Variants in RFTN1 observed in about 807,000 individuals in gnomAD.
The protein encoded by RFTN1 is raftlin.
In RFTN1, 26 loss-of-function variants were observed where a neutral mutation model predicts 46.5. The observed-to-expected ratio is 0.56, with a 90% CI of 0.41 to 0.78. The LOEUF (loss-of-function observed/expected upper bound fraction) is 0.78, where lower values mean the gene tolerates loss of function less well. Ranked by LOEUF, RFTN1 falls within the 30% of genes least tolerant of loss-of-function variation. RFTN1 has a pLI of 0.00. For synonymous variants in RFTN1, 261 were observed against 284.2 expected (o/e 0.92, Z 0.82); for missense variants, 693 against 718.7 (o/e 0.96, Z 0.41).
At chr3:16,357,738 C>T (rs1355992920) in intron 7 of RFTN1, among the ~76,000 whole-genome samples, 194 bp downstream of exon 7, 3 of 152,060 alleles carry the variant, frequency 2.0e-5, no homozygotes, top group African/African-American at 7.2e-5. Flanking sequence ...AAGGGAAGAG[C>T]GGGGCCCACC....
chr3:16,415,430 T>TATATATATATACACAC, intron 3 of RFTN1, among the ~76,000 whole-genome samples: 1 of 114,276 alleles, frequency 8.8e-6, no homozygotes, highest in African/African-American at 2.7e-5. Flanking sequence ...TATATATATA[T>TATATATATATACACAC]ACACACACAC....
At position 16,460,684 on chromosome 3, in the gene RFTN1, A is replaced by G. The variant is rs1179422052; in HGVS notation, c.146-26647T>C. 6.6e-6 allele frequency among the ~76,000 whole-genome samples: 1 copy of G among 152,166 alleles called. No individual in the cohort carries two copies. The highest frequency in any genetic ancestry group is 1.5e-5 in the Non-Finnish European group (1 of 68,034). On this transcript the variant is annotated intron_variant, in intron 2 of 9. Coordinates refer to ENST00000334133, the MANE Select transcript of RFTN1 (RefSeq NM_015150.2). The surrounding 1 kb of genome is among the most constrained non-coding windows in gnomAD (Gnocchi z 4.8). ...ATGTAAGAGGCCTGTTATACAGATA[A>G]CTAACGCAAGAGACACGTGAGCAGA...
At chr3:16,388,894 C>A (rs2074278616) in intron 4 of RFTN1, among the ~76,000 whole-genome samples, 1 of 152,280 alleles carries the variant, frequency 6.6e-6, no homozygotes, top group East Asian at 1.9e-4. Context: ...CTTGGAATTA[C>A]AAGCTTGGGG....
chr3:16,471,359 T>C (rs1283952176), intron 2 of RFTN1, among the ~76,000 whole-genome samples: 1 of 152,194 alleles, frequency 6.6e-6, no homozygotes, highest in Non-Finnish European at 1.5e-5. Context: ...AATCTTAGCC[T>C]CATGACAGAG....
rs2074079134 is a variant in RFTN1 at position 16,383,933 on chromosome 3, T to C, written c.442-5831A>G. The stretch of plus-strand genomic sequence containing the variant: ...TAATTTTATGTCCACTTGACTGAAC[T>C]ATGGTGACCAATTGTTTGGTAAAAC... On this transcript the variant is annotated intron_variant, in intron 4 of 9. Coordinates refer to ENST00000334133, the MANE Select transcript of RFTN1 (RefSeq NM_015150.2). This position sits in a 1 kb window ranked among gnomAD's most constrained non-coding sequence, Gnocchi z 4.0. 1.3e-5 allele frequency among the ~76,000 whole-genome samples: 2 copies of C among 152,244 alleles called. No individual in the cohort carries two copies. The highest frequency in any genetic ancestry group is 2.4e-5 in the African/African-American group (1 of 41,464).
chr3:16,392,310 G>A (rs1001406485), intron 4 of RFTN1, among the ~76,000 whole-genome samples: 5 of 152,112 alleles, frequency 3.3e-5, no homozygotes, highest in African/African-American at 7.2e-5. Flanking sequence ...ACAGCAGGCA[G>A]CCTAACTGCC....
chr3:16,415,409 G>GTA (rs367960866), intron 3 of RFTN1, among the ~76,000 whole-genome samples: 3,763 of 104,404 alleles, frequency 0.036, 255 homozygotes, highest in Non-Finnish European at 0.04. Context: ...AGACAGTTGA[G>GTA]TATATATATA....
Position 16,480,554 on chromosome 3 carries a change from C to T in RFTN1, c.145+13171G>A, listed in dbSNP as rs575462931. Among the ~76,000 whole-genome samples, 1 of 152,314 alleles carries T rather than the reference C, an allele frequency of 6.6e-6. No individual in the cohort carries two copies. Among genetic ancestry groups the T allele is most frequent in the African/African-American group, 2.4e-5 (1 of 41,570 alleles). On this transcript the variant is annotated intron_variant, in intron 2 of 9. Coordinates refer to ENST00000334133, the MANE Select transcript of RFTN1 (RefSeq NM_015150.2). The surrounding 1 kb of genome is among the most constrained non-coding windows in gnomAD (Gnocchi z 4.3). The stretch of plus-strand genomic sequence containing the variant: ...AACACAGAACTGAGGAAATGACCTT[C>T]TAGACTTAATGACAGTGGCATGCAA...
chr3:16,446,217 C>A lies in RFTN1; in HGVS notation c.146-12180G>T, dbSNP rs574084910. Reference sequence around the variant, plus strand: ...GCCCTAAAGCAGATTAGCCACAAGACCAAGATGAAAGAACCATAATGAGTC... The same window carrying A: ...GCCCTAAAGCAGATTAGCCACAAGAACAAGATGAAAGAACCATAATGAGTC... On this transcript the variant is annotated intron_variant, in intron 2 of 9. Coordinates refer to ENST00000334133, the MANE Select transcript of RFTN1 (RefSeq NM_015150.2). The surrounding 1 kb of genome is among the most constrained non-coding windows in gnomAD (Gnocchi z 4.5). Among the ~76,000 whole-genome samples, 1 of 151,608 alleles carries A rather than the reference C, an allele frequency of 6.6e-6. No homozygotes were observed. Among genetic ancestry groups the A allele is most frequent in the Non-Finnish European group, 1.5e-5 (1 of 67,966 alleles).
chr3:16,357,142 AAAC>A (rs1575112177), intron 7 of RFTN1, among the ~76,000 whole-genome samples: 4 of 150,556 alleles, frequency 2.7e-5, no homozygotes, highest in Admixed American at 2.7e-4. Flanking sequence ...AAAAACAAAC[AAAC>A]AAACAAACAA....
In RFTN1 at chr3:16,499,139, A is replaced by G. The variant is rs1319248507; in HGVS notation, c.-8-5262T>C. On this transcript the variant is annotated intron_variant, in intron 1 of 9. Coordinates refer to ENST00000334133, the MANE Select transcript of RFTN1 (RefSeq NM_015150.2). This position sits in a 1 kb window ranked among gnomAD's most constrained non-coding sequence, Gnocchi z 4.9. ...TCAGGGAGTGTCTCAGTAGAAGGAC[A>G]TCTCTCACATGGGTCAAAGTCTCTA... is the stretch of plus-strand genomic sequence containing the variant. Among the ~76,000 whole-genome samples the G allele has an allele frequency of 6.6e-6, 1 of 152,206 alleles. No homozygotes were observed. Among genetic ancestry groups the G allele is most frequent in the Non-Finnish European group, 1.5e-5 (1 of 68,028 alleles).
At position 16,413,666 on chromosome 3, in the gene RFTN1, GC is replaced by G. The variant is rs370136748; in HGVS notation, c.333-4184del. Among the ~76,000 whole-genome samples the G allele has an allele frequency of 1.3e-5, 2 of 151,980 alleles. No homozygotes were observed. The highest frequency in any genetic ancestry group is 2.9e-5 in the Non-Finnish European group (2 of 68,002). ...TACACAGGGTTAACTAACAGCAAAA[GC>G]CCCCCCAACCTACTTTATCTGGAAA... is the stretch of plus-strand genomic sequence containing the variant. On this transcript the variant is annotated intron_variant, in intron 3 of 9. Transcript: ENST00000334133. The surrounding 1 kb of genome is among the most constrained non-coding windows in gnomAD (Gnocchi z 4.7).
intron 6 of RFTN1, 59 bp from the exon 7 acceptor site, chr3:16,358,106 T>G (rs575671920): frequency 1.1e-6 from 1 of 921,288 alleles, no homozygotes; most frequent in Non-Finnish European, 1.8e-6. Context: ...GTGGCAGAAG[T>G]CTTCTAAGCA....
In RFTN1 at chr3:16,443,528, G is replaced by T. The variant is rs984546726; in HGVS notation, c.146-9491C>A. ...CAGGGGAATCTCAGTAAGACTAAAA[G>T]AACTTCTTTAAGCTTATATAAACCT... is the stretch of plus-strand genomic sequence containing the variant. On this transcript the variant is annotated intron_variant, in intron 2 of 9. Coordinates refer to ENST00000334133, the MANE Select transcript of RFTN1 (RefSeq NM_015150.2). The surrounding 1 kb of genome is among the most constrained non-coding windows in gnomAD (Gnocchi z 5.5). Among the ~76,000 whole-genome samples the T allele has an allele frequency of 1.3e-5, 2 of 152,042 alleles. No individual in the cohort carries two copies. Among genetic ancestry groups the T allele is most frequent in the Non-Finnish European group, 2.9e-5 (2 of 68,012 alleles).
chr3:16,326,901 G>GGCT, intron 7 of RFTN1, 25 bp from the exon 8 acceptor site: 1 of 1,578,850 alleles, frequency 6.3e-7, no homozygotes, highest in Non-Finnish European at 8.7e-7. Flanking sequence ...CCAGCATTAG[G>GGCT]GCTGCTGCTG....
intron 2 of RFTN1, among the ~76,000 whole-genome samples, chr3:16,478,829 G>A (rs535453952): frequency 2.3e-3 from 356 of 152,264 alleles, no homozygotes; most frequent in Middle Eastern, 0.014. Flanking sequence ...TTGCCACATG[G>A]GTCTCTCCAC....
rs2072981370 is a variant in RFTN1 at position 16,363,835 on chromosome 3, CTTGA to C, written c.1031-5792_1031-5789del. ...TCCATCAGAGGTCGCACAGCACCAC[CTTGA>C]TTCCAGGATTCTTGGCACCACCTTG... On this transcript the variant is annotated intron_variant, in intron 6 of 9. Coordinates refer to ENST00000334133, the MANE Select transcript of RFTN1 (RefSeq NM_015150.2). 9.1e-5 allele frequency among the ~76,000 whole-genome samples: 4 copies of C among 44,120 alleles called. No homozygotes were observed. The South Asian group carries it at 2.1e-3, about 23-fold the overall frequency. 28.9% of individuals were successfully genotyped at this position (44,120 alleles called of 152,430 possible).
chr3:16,440,250 G>A lies in RFTN1; in HGVS notation c.146-6213C>T, dbSNP rs55637471. Among the ~76,000 whole-genome samples, 2,688 of 152,240 alleles carry A rather than the reference G, an allele frequency of 0.018. 83 individuals are homozygous for A. Among genetic ancestry groups the A allele is most frequent in the African/African-American group, 0.061 (2,522 of 41,528 alleles). ...CGCCTCATCTGGGAAGGACACCCACGTGCTCCCACACTGCCACAATCTTGG... is the reference window on the plus strand; with the variant it reads ...CGCCTCATCTGGGAAGGACACCCACATGCTCCCACACTGCCACAATCTTGG... On this transcript the variant is annotated intron_variant, in intron 2 of 9. Transcript: ENST00000334133. This position sits in a 1 kb window ranked among gnomAD's most constrained non-coding sequence, Gnocchi z 4.6.
chr3:16,419,047 A>G (rs1406884228), intron 3 of RFTN1, among the ~76,000 whole-genome samples: 2 of 152,240 alleles, frequency 1.3e-5, no homozygotes, highest in Non-Finnish European at 2.9e-5. Flanking sequence ...CAATGGATAA[A>G]AGGACATTCT....
Sources: allele counts gnomAD v4.1 joint callset (sites outside exome capture counted in the v4.1 genomes callset), GRCh38; gene constraint gnomAD v4.1.1; non-coding constraint Gnocchi (gnomAD v3.1); transcripts MANE v1.5; gene names NCBI Gene and HGNC (gene_info 2026-07-23, HGNC 2026-07-21).